Variants in GPC5 observed in about 807,000 individuals in gnomAD.
The protein encoded by GPC5 is glypican-5.
GPC5 carries 47 observed loss-of-function variants against 53.9 expected under a neutral mutation model. That is an observed-to-expected ratio of 0.87 (90% confidence interval 0.69 to 1.11). The LOEUF is 1.11. Ranked by LOEUF, GPC5 falls within the 50% of genes most tolerant of loss-of-function variation. The pLI is 0.00. For missense variants in GPC5, 748 were observed against 713.1 expected (o/e 1.05, Z -0.56); for synonymous variants, 286 against 263.3 (o/e 1.09, Z -0.84).
Position 91,398,957 on chromosome 13 carries a change from G to A in GPC5, c.-90G>A. The A allele has an allele frequency of 6.9e-7, 1 of 1,453,054 alleles. No homozygotes were observed. Among genetic ancestry groups the A allele is most frequent in the Non-Finnish European group, 9.1e-7 (1 of 1,094,008 alleles). 90.0% of individuals were successfully genotyped at this position (1,453,054 alleles called of 1,614,324 possible). On this transcript the variant is annotated 5_prime_UTR_variant, in exon 1 of 8. Coordinates refer to ENST00000377067, the MANE Select transcript of GPC5 (RefSeq NM_004466.6). ...CCGGCTCGCACCGCTCGAGAGCCTCGGCCGCTGTGTCTTCCACGTCTGCAG... is the reference window on the plus strand; with the variant it reads ...CCGGCTCGCACCGCTCGAGAGCCTCAGCCGCTGTGTCTTCCACGTCTGCAG...
chr13:91,525,675 AT>A (rs1247131958), intron 2 of GPC5, among the ~76,000 whole-genome samples: 1 of 152,128 alleles, frequency 6.6e-6, no homozygotes, highest in African/African-American at 2.4e-5. Flanking sequence ...TTCAGTTGGT[AT>A]TGTCTCAATT....
intron 7 of GPC5, among the ~76,000 whole-genome samples, chr13:92,602,238 A>AAC (rs1884095760): frequency 3.7e-5 from 3 of 81,572 alleles, no homozygotes; most frequent in African/African-American, 1.6e-4. Flanking sequence ...TATAACATAT[A>AAC]TATATATATA....
rs78516354 is a variant in GPC5, at chr13:92,741,285, C to T, written c.1562-124997C>T. 7.0e-3 allele frequency among the ~76,000 whole-genome samples: 1,054 copies of T among 151,582 alleles called. 2 individuals carry two copies. The highest frequency in any genetic ancestry group is 0.012 in the Non-Finnish European group (801 of 67,890). On this transcript the variant is annotated intron_variant, in intron 7 of 7. Transcript: ENST00000377067. ...ATAGATTAATGGATTATCATGGGAG[C>T]GGAACTGGTTGCTTTATAAGTCAAG...
intron 7 of GPC5, among the ~76,000 whole-genome samples, chr13:92,545,792 T>G (rs1594293088): frequency 6.6e-6 from 1 of 152,176 alleles, no homozygotes; most frequent in Non-Finnish European, 1.5e-5. Context: ...GTAAATTTGT[T>G]TGAGTTCATT....
In GPC5 at chr13:92,097,636, A is replaced by G. The variant is rs181878426; in HGVS notation, c.1402-47194A>G. Among the ~76,000 whole-genome samples, 13 of 152,376 alleles carry G rather than the reference A, an allele frequency of 8.5e-5. No individual in the cohort carries two copies. In the East Asian group the frequency reaches 2.3e-3, roughly 27 times the overall value. On this transcript the variant is annotated intron_variant, in intron 6 of 7. Coordinates refer to ENST00000377067, the MANE Select transcript of GPC5 (RefSeq NM_004466.6). ...GCCTTTGCTCTACTGGAGAGAAGCG[A>G]GAAGCCCATGATATAAAAGGGAGAC...
chr13:92,797,485 T>C (rs1475474252), intron 7 of GPC5, among the ~76,000 whole-genome samples: 1 of 151,926 alleles, frequency 6.6e-6, no homozygotes, highest in Non-Finnish European at 1.5e-5. Context: ...TCTCTGTATT[T>C]CTTATACAAA....
At chr13:92,085,998 C>T (rs1415412811) in intron 6 of GPC5, among the ~76,000 whole-genome samples, 3 of 152,182 alleles carry the variant, frequency 2.0e-5, no homozygotes, top group Non-Finnish European at 4.4e-5. Flanking sequence ...CTGAAATATC[C>T]AGCAAGCCTT....
At chr13:92,494,408 A>G (rs1879892347) in intron 7 of GPC5, among the ~76,000 whole-genome samples, 1 of 152,142 alleles carries the variant, frequency 6.6e-6, no homozygotes, top group Non-Finnish European at 1.5e-5. Context: ...TTTTAAATCT[A>G]CTGAAGAACT....
intron 7 of GPC5, among the ~76,000 whole-genome samples, chr13:92,790,587 C>T (rs1876426299): frequency 1.3e-5 from 2 of 152,214 alleles, no homozygotes; most frequent in Middle Eastern, 3.4e-3. Flanking sequence ...AAGGACATAC[C>T]TCTCTATCCA....
intron 7 of GPC5, among the ~76,000 whole-genome samples, chr13:92,542,001 G>A (rs1881945153): frequency 6.6e-6 from 1 of 151,644 alleles, no homozygotes; most frequent in East Asian, 1.9e-4. Context: ...CACCAGAAAG[G>A]GTCTGTTTTA....
chr13:92,809,984 A>C (rs567600804), intron 7 of GPC5, among the ~76,000 whole-genome samples: 2 of 152,184 alleles, frequency 1.3e-5, no homozygotes, highest in African/African-American at 4.8e-5. Context: ...ATATACAGAA[A>C]AATCTTCTGC....
intron 7 of GPC5, among the ~76,000 whole-genome samples, chr13:92,804,047 G>T (rs754936864): frequency 3.3e-5 from 5 of 151,964 alleles, no homozygotes; most frequent in Non-Finnish European, 7.4e-5. Flanking sequence ...TAAACTATTG[G>T]TGGGCACAAA....
At chr13:91,557,199 T>C (rs2031007558) in intron 2 of GPC5, among the ~76,000 whole-genome samples, 1 of 152,220 alleles carries the variant, frequency 6.6e-6, no homozygotes, top group South Asian at 2.1e-4. Flanking sequence ...TTTCTCTGCA[T>C]CCTCGCCATC....
chr13:92,277,406 T>C (rs918841599), intron 7 of GPC5, among the ~76,000 whole-genome samples: 1 of 152,050 alleles, frequency 6.6e-6, no homozygotes, highest in Non-Finnish European at 1.5e-5. Flanking sequence ...GGCACTTGCA[T>C]TTATTGCATA....
At chr13:92,047,562 A>T (rs2040992937) in intron 6 of GPC5, among the ~76,000 whole-genome samples, 1 of 151,606 alleles carries the variant, frequency 6.6e-6, no homozygotes, top group African/African-American at 2.4e-5. Context: ...AACCTTTATA[A>T]ATCCAGCAAG....
intron 7 of GPC5, among the ~76,000 whole-genome samples, chr13:92,494,095 G>GTTTT (rs1464502034): frequency 0.021 from 2,033 of 95,060 alleles, 44 homozygotes; most frequent in African/African-American, 0.063. Context: ...GTTTTGTTTT[G>GTTTT]TTTTGTTTTT....
intron 7 of GPC5, among the ~76,000 whole-genome samples, chr13:92,333,009 C>T (rs1445465902): frequency 3.3e-5 from 5 of 152,248 alleles, no homozygotes; most frequent in Admixed American, 2.0e-4. Flanking sequence ...ATTGGAGAGA[C>T]AGACAAGTGA....
intron 7 of GPC5, among the ~76,000 whole-genome samples, chr13:92,849,573 G>A (rs1387507055): frequency 6.6e-6 from 1 of 152,128 alleles, no homozygotes; most frequent in Non-Finnish European, 1.5e-5. Flanking sequence ...CTTTCACTGG[G>A]AGAAAAGATG....
chr13:92,138,654 T>C (rs1283033062), intron 6 of GPC5, among the ~76,000 whole-genome samples: 3 of 152,224 alleles, frequency 2.0e-5, no homozygotes, highest in Non-Finnish European at 4.4e-5. Flanking sequence ...TTGTTGTTAT[T>C]AAAGGTTTGT....
Sources: allele counts gnomAD v4.1 joint callset (sites outside exome capture counted in the v4.1 genomes callset), GRCh38; gene constraint gnomAD v4.1.1; transcripts MANE v1.5; gene names NCBI Gene and HGNC (gene_info 2026-07-23, HGNC 2026-07-21).